BLTP1: variants seen among roughly 807,000 people sequenced by gnomAD.
BLTP1 encodes the protein fragile site-associated protein.
the BLTP1 span, chr4:122,207,563 A>C: frequency 1.9e-6 from 3 of 1,607,676 alleles, no homozygotes; most frequent in Non-Finnish European, 2.5e-6. Context: ...CCTGTGGAGA[A>C]ACACTAAACA....
At chr4:122,212,287 G>T in the BLTP1 span, among the ~76,000 whole-genome samples, 2 of 152,144 alleles carry the variant, frequency 1.3e-5, no homozygotes, top group Non-Finnish European at 2.9e-5. Flanking sequence ...GTTAATATTT[G>T]TAGATACCTA....
chr4:122,174,303 T>C, the BLTP1 span: 92 of 984,974 alleles, frequency 9.3e-5, no homozygotes, highest in Non-Finnish European at 1.1e-4. Flanking sequence ...CAGTGCATAA[T>C]TAAGGGAATT....
At chr4:122,277,540 C>G in the BLTP1 span, 2 of 947,454 alleles carry the variant, frequency 2.1e-6, no homozygotes, top group African/African-American at 3.5e-5. Context: ...AGGAACTGTT[C>G]TAGGCATTGG....
chr4:122,319,708 T>G, the BLTP1 span, among the ~76,000 whole-genome samples: 1 of 151,822 alleles, frequency 6.6e-6, no homozygotes, highest in Non-Finnish European at 1.5e-5. Flanking sequence ...ACCTGGCTAA[T>G]TTTTGTATTT....
chr4:122,209,695 T>G, the BLTP1 span: 6 of 1,248,678 alleles, frequency 4.8e-6, no homozygotes, highest in Non-Finnish European at 6.6e-6. Flanking sequence ...TATTTTGTGC[T>G]TATATGTGGA....
the BLTP1 span, chr4:122,210,036 AATAT>A: frequency 7.1e-7 from 1 of 1,412,958 alleles, no homozygotes; most frequent in Admixed American, 2.8e-5. Context: ...ACATAGTATA[AATAT>A]AGTCTTACAT....
the BLTP1 span, chr4:122,226,781 G>A: frequency 1.9e-6 from 3 of 1,613,242 alleles, no homozygotes; most frequent in Admixed American, 1.7e-5. Flanking sequence ...TGGAAAGACC[G>A]AAATCAGTTA....
the BLTP1 span, chr4:122,336,454 C>A: frequency 1.3e-6 from 1 of 772,242 alleles, no homozygotes. Flanking sequence ...ATAATATATG[C>A]AATTATAAAT....
At chr4:122,305,800 T>C in the BLTP1 span, 2 of 1,392,710 alleles carry the variant, frequency 1.4e-6, no homozygotes, top group African/African-American at 2.9e-5. Flanking sequence ...TGGTGAACAA[T>C]ACCATTAATA....
At chr4:122,348,687 T>TA in the BLTP1 span, 1 of 1,608,394 alleles carries the variant, frequency 6.2e-7, no homozygotes. Context: ...AACGTTCAAA[T>TA]GAATATGAGT....
At chr4:122,305,141 C>A in the BLTP1 span, 1 of 952,484 alleles carries the variant, frequency 1.0e-6, no homozygotes, top group Non-Finnish European at 1.2e-6. Flanking sequence ...TTTACCTTGG[C>A]ATTTCATTGA....
the BLTP1 span, chr4:122,287,860 A>G: frequency 4.1e-5 from 11 of 270,034 alleles, no homozygotes; most frequent in Admixed American, 3.9e-4. Flanking sequence ...TGTACTTTCT[A>G]CTCTGAAAAC....
At chr4:122,202,543 C>G in the BLTP1 span, 1 of 970,746 alleles carries the variant, frequency 1.0e-6, no homozygotes, top group South Asian at 4.8e-5. Flanking sequence ...CATTACTTAC[C>G]TCTTTGACTA....
At chr4:122,247,218 G>GT in the BLTP1 span, 1 of 1,613,298 alleles carries the variant, frequency 6.2e-7, no homozygotes, top group Non-Finnish European at 8.5e-7. Context: ...ATTTTGATAG[G>GT]TATGTTCATG....
chr4:122,336,963 T>C, the BLTP1 span: 1 of 1,612,396 alleles, frequency 6.2e-7, no homozygotes, highest in Admixed American at 1.7e-5. Context: ...TAGTGTCGTC[T>C]TCAACATCTG....
the BLTP1 span, among the ~76,000 whole-genome samples, chr4:122,173,756 A>G: frequency 6.6e-6 from 1 of 151,966 alleles, no homozygotes; most frequent in Non-Finnish European, 1.5e-5. Context: ...CCCATTATTT[A>G]TTACTTCTTT....
At chr4:122,207,208 A>G in the BLTP1 span, 1 of 1,612,330 alleles carries the variant, frequency 6.2e-7, no homozygotes, top group Non-Finnish European at 8.5e-7. Context: ...GTTTGAAATG[A>G]TTTGGGCTGC....
At chr4:122,336,644 A>C in the BLTP1 span, 2 of 979,962 alleles carry the variant, frequency 2.0e-6, no homozygotes, top group African/African-American at 3.5e-5. Flanking sequence ...CTTTGAGGGC[A>C]AGGATATAAT....
chr4:122,174,560 C>T, the BLTP1 span: 4 of 1,603,722 alleles, frequency 2.5e-6, no homozygotes, highest in South Asian at 3.4e-5. Flanking sequence ...GCTGTTTTTT[C>T]CTTCCTATAA....
Sources: gnomAD v4.1 joint callset for allele counts (sites outside exome capture counted in the v4.1 genomes callset) on GRCh38, gnomAD v4.1.1 for gene constraint, MANE v1.5 for transcripts, NCBI Gene and HGNC (gene_info 2026-07-23, HGNC 2026-07-21) for gene names.